Variants in SLC25A31 observed in about 807,000 individuals in gnomAD.
The protein encoded by SLC25A31 is solute carrier family 25 member 31.
SLC25A31 carries 40 observed loss-of-function variants against 36.2 expected under a neutral mutation model. That is an observed-to-expected ratio of 1.10 (90% CI 0.86 to 1.44). The LOEUF is 1.44. Ranked by LOEUF, SLC25A31 falls within the 40% of genes most tolerant of loss-of-function variation. The pLI is 0.00. For synonymous variants in SLC25A31, 143 were observed against 149.7 expected (o/e 0.96, Z 0.32); for missense variants, 350 against 397.1 (o/e 0.88, Z 1.01).
chr4:127,730,714 A>C lies in SLC25A31; in HGVS notation c.169A>C (p.Ile57Leu). ...LLQVQASSKQISPEARYKGMV... is the reference protein window; with the variant it reads ...LLQVQASSKQLSPEARYKGMV... ...GCAGGTGCAGGCGTCGTCGAAGCAGATCAGCCCCGAGGCGCGGTACAAAGG... is the reference window on the plus strand; with the variant it reads ...GCAGGTGCAGGCGTCGTCGAAGCAGCTCAGCCCCGAGGCGCGGTACAAAGG... Residue 57 changes from isoleucine to leucine, a missense_variant, in exon 1 of 6, where the codon ATC becomes CTC. Transcript: ENST00000281154. 6.2e-7 allele frequency: 1 copy of C among 1,613,840 alleles called. No homozygotes were observed. Among genetic ancestry groups the C allele is most frequent in the Non-Finnish European group, 8.5e-7 (1 of 1,179,922 alleles).
At chr4:127,757,485 G>T (rs1349261334) in intron 2 of SLC25A31, among the ~76,000 whole-genome samples, 1 of 152,166 alleles carries the variant, frequency 6.6e-6, no homozygotes. Context: ...TTTTAAAGCT[G>T]TATGGTATTC....
chr4:127,769,564 A>G (rs756179163), intron 5 of SLC25A31, among the ~76,000 whole-genome samples: 4 of 152,242 alleles, frequency 2.6e-5, no homozygotes, highest in Non-Finnish European at 5.9e-5. Context: ...GATAAGGGAT[A>G]CCAACCTGTA....
At chr4:127,751,377 A>G (rs1731928297) in intron 2 of SLC25A31, among the ~76,000 whole-genome samples, 1 of 152,200 alleles carries the variant, frequency 6.6e-6, no homozygotes. Flanking sequence ...ATATGTAGAA[A>G]GCTGAAACTG....
At chr4:127,767,665 C>T (rs3816589) in intron 4 of SLC25A31, among the ~76,000 whole-genome samples, 106,642 of 151,482 alleles carry the variant, frequency 0.7, 37,923 homozygotes, top group Middle Eastern at 0.8. Context: ...GGTTATCTAC[C>T]GGATACTGTT....
chr4:127,757,633 C>T (rs1732054778), intron 2 of SLC25A31, among the ~76,000 whole-genome samples: 1 of 152,170 alleles, frequency 6.6e-6, no homozygotes, highest in South Asian at 2.1e-4. Flanking sequence ...AATAATTTCT[C>T]TTCCTTTGGA....
chr4:127,750,756 A>G (rs1262253844), intron 2 of SLC25A31, among the ~76,000 whole-genome samples: 4 of 151,298 alleles, frequency 2.6e-5, no homozygotes, highest in African/African-American at 9.7e-5. Context: ...CCTCTAGTAA[A>G]TACAAAAAAA....
In SLC25A31 at chr4:127,768,769, A is replaced by G. The variant is rs1401907813; in HGVS notation, c.651A>G (p.Pro217=). Residue 217 remains proline (P), a synonymous_variant, in exon 5 of 6, where the codon CCA becomes CCG. Transcript: ENST00000281154. ...YDTVKGLLPK[P]KKTPFLVSFF... ...TTTTCTAGGGTTTATTACCAAAGCCAAAGAAAACTCCATTTCTTGTCTCCT... is the reference window on the plus strand; with the variant it reads ...TTTTCTAGGGTTTATTACCAAAGCCGAAGAAAACTCCATTTCTTGTCTCCT... 1.2e-6 allele frequency: 2 copies of G among 1,603,776 alleles called. No homozygotes were observed. The highest frequency in any genetic ancestry group is 1.7e-6 in the Non-Finnish European group (2 of 1,176,018).
chr4:127,744,964 A>C (rs1731798502), intron 2 of SLC25A31, among the ~76,000 whole-genome samples, 165 bp downstream of exon 2: 1 of 152,170 alleles, frequency 6.6e-6, no homozygotes, highest in Non-Finnish European at 1.5e-5. Flanking sequence ...GTGCTCAAGT[A>C]GTGGGAAAAA....
At chr4:127,744,868 C>T in intron 2 of SLC25A31, 69 bp downstream of exon 2, 1 of 1,172,240 alleles carries the variant, frequency 8.5e-7, no homozygotes, top group Non-Finnish European at 1.1e-6. Context: ...AATTTCCCAT[C>T]CAATGTAAAT....
chr4:127,752,111 C>A (rs893425642), intron 2 of SLC25A31, among the ~76,000 whole-genome samples: 1 of 152,202 alleles, frequency 6.6e-6, no homozygotes, highest in Admixed American at 6.5e-5. Context: ...TATAAAGACA[C>A]ATGCATACGT....
intron 1 of SLC25A31, among the ~76,000 whole-genome samples, chr4:127,738,520 A>G (rs185398657): frequency 6.6e-6 from 1 of 152,328 alleles, no homozygotes; most frequent in East Asian, 1.9e-4. Flanking sequence ...GACTTGCTTT[A>G]TGGCTTAGCA....
At chr4:127,736,571 G>A (rs72616941) in intron 1 of SLC25A31, among the ~76,000 whole-genome samples, 8,254 of 152,250 alleles carry the variant, frequency 0.054, 462 homozygotes, top group East Asian at 0.26. Context: ...TAGAAGTGCA[G>A]TAACTCTAGA....
At position 127,773,426 on chromosome 4, in the gene SLC25A31, G is replaced by A; in HGVS notation, c.800G>A (p.Cys267Tyr). 1 of 1,614,010 alleles carries A rather than the reference G, an allele frequency of 6.2e-7. No individual in the cohort carries two copies. Among genetic ancestry groups the A allele is most frequent in the East Asian group, 2.2e-5 (1 of 44,868 alleles). Residue 267 changes from cysteine (C) to tyrosine (Y), a missense_variant, in exon 6 of 6, where the codon TGC becomes TAC. Coordinates refer to ENST00000281154, the MANE Select transcript of SLC25A31 (RefSeq NM_031291.4). ...CGGCAATATAAAGGAACCTTAGACT[G>A]CTTTGTGAAGATATACCAACATGAA... ...AKRQYKGTLD[C>Y]FVKIYQHEGI...
intron 2 of SLC25A31, among the ~76,000 whole-genome samples, chr4:127,759,981 T>A (rs1480894072): frequency 2.6e-5 from 4 of 152,150 alleles, no homozygotes; most frequent in African/African-American, 7.2e-5. Context: ...AGAATACTGT[T>A]TGCCAGGAGG....
At chr4:127,744,635 A>C (rs1251363945) in intron 1 of SLC25A31, 37 bp from the exon 2 acceptor site, 1 of 1,548,170 alleles carries the variant, frequency 6.5e-7, no homozygotes, top group African/African-American at 1.4e-5. Context: ...TTAATAATAC[A>C]ATGTAGGTTT....
At chr4:127,743,763 A>C (rs956750066) in intron 1 of SLC25A31, among the ~76,000 whole-genome samples, 2 of 152,244 alleles carry the variant, frequency 1.3e-5, no homozygotes, top group Non-Finnish European at 2.9e-5. Context: ...CTTATTTAAC[A>C]AATAATTATC....
chr4:127,730,404 G>A lies in SLC25A31; in HGVS notation c.-142G>A. 1.1e-6 allele frequency: 1 copy of A among 891,900 alleles called. No individual in the cohort carries two copies. The highest frequency in any genetic ancestry group is 1.7e-6 in the Non-Finnish European group (1 of 595,376). 55.2% of individuals were successfully genotyped at this position (891,900 alleles called of 1,614,324 possible). ...CAGCTTTTCCGCACGCGCCTCGCCG[G>A]CGCGCGGCTCTCTCAGCGTCCCAAG... On this transcript the variant is annotated 5_prime_UTR_variant, in exon 1 of 6. Transcript: ENST00000281154.
intron 2 of SLC25A31, among the ~76,000 whole-genome samples, chr4:127,748,112 G>C (rs143141245): frequency 6.6e-6 from 1 of 152,282 alleles, no homozygotes; most frequent in East Asian, 1.9e-4. Context: ...TAGCTACACA[G>C]TTTCTGGTCC....
intron 2 of SLC25A31, among the ~76,000 whole-genome samples, chr4:127,745,321 G>A (rs1467902010): frequency 7.0e-6 from 1 of 143,854 alleles, no homozygotes; most frequent in African/African-American, 2.6e-5. Context: ...TTTTTTTTTC[G>A]AAGTAATTAC....
Sources: gnomAD v4.1 joint callset for allele counts (sites outside exome capture counted in the v4.1 genomes callset) on GRCh38, gnomAD v4.1.1 for gene constraint, MANE v1.5 for transcripts, NCBI Gene and HGNC (gene_info 2026-07-23, HGNC 2026-07-21) for gene names.